CHL1: variants seen among roughly 807,000 people sequenced by gnomAD.
CHL1 encodes the protein cell adhesion molecule L1 like.
A neutral mutation model predicts 141.9 loss-of-function variants in CHL1; 96 were observed. The ratio of observed to expected loss-of-function variants is 0.68; its 90% confidence interval spans 0.57 to 0.80. The LOEUF (loss-of-function observed/expected upper bound fraction) is 0.80, where lower values mean the gene tolerates loss of function less well. Among genes scored for constraint, CHL1 ranks in the 30% least tolerant of loss-of-function variants. CHL1 has a pLI of 0.00. For synonymous variants in CHL1, 613 were observed against 502.2 expected, an observed-to-expected ratio of 1.22 and a Z score of -2.95; for missense variants, 1,820 against 1,457.2, an observed-to-expected ratio of 1.25 and a Z score of -4.05.
At chr3:353,440 G>C (rs1186064389) in intron 10 of CHL1, among the ~76,000 whole-genome samples, 1 of 151,972 alleles carries the variant, frequency 6.6e-6, no homozygotes, top group Non-Finnish European at 1.5e-5. Flanking sequence ...TTATAATTTG[G>C]ACTAGTGTAT....
At chr3:299,050 T>C (rs1470189614) in intron 2 of CHL1, among the ~76,000 whole-genome samples, 3 of 152,222 alleles carry the variant, frequency 2.0e-5, no homozygotes, top group Non-Finnish European at 4.4e-5. Context: ...GTTTTGAGTA[T>C]ACTTATTCTG....
chr3:390,623 T>C (rs1280206299), intron 20 of CHL1, 78 bp from the exon 21 acceptor site: 1 of 816,998 alleles, frequency 1.2e-6, no homozygotes, highest in African/African-American at 1.7e-5. Flanking sequence ...GAAGAAACAT[T>C]ATGAAAATTT....
intron 10 of CHL1, among the ~76,000 whole-genome samples, chr3:353,551 C>T (rs1317897318): frequency 2.0e-5 from 3 of 152,172 alleles, no homozygotes; most frequent in African/African-American, 2.4e-5. Flanking sequence ...GGAGTAATTA[C>T]AAAGGCACTT....
chr3:294,400 G>T (rs1314388494), intron 2 of CHL1, among the ~76,000 whole-genome samples: 1 of 152,166 alleles, frequency 6.6e-6, no homozygotes, highest in Non-Finnish European at 1.5e-5. Context: ...TAACGAGGAA[G>T]GTAAATTAAT....
intron 5 of CHL1, among the ~76,000 whole-genome samples, chr3:332,793 C>T (rs1416307158): frequency 6.6e-6 from 1 of 152,080 alleles, no homozygotes; most frequent in African/African-American, 2.4e-5. Flanking sequence ...TTATATACTT[C>T]ACTGAAATAA....
chr3:321,327 C>G (rs943968025), intron 3 of CHL1, among the ~76,000 whole-genome samples: 10 of 151,992 alleles, frequency 6.6e-5, no homozygotes, highest in African/African-American at 2.4e-4. Flanking sequence ...TTAAAGTCTG[C>G]TTTACATTTG....
At chr3:365,608 T>C (rs979004430) in intron 14 of CHL1, among the ~76,000 whole-genome samples, 7 of 152,340 alleles carry the variant, frequency 4.6e-5, no homozygotes, top group Admixed American at 3.3e-4. Context: ...TCCTTTACAG[T>C]GCTTTGATTA....
chr3:202,142 C>T (rs531669931), intron 1 of CHL1, among the ~76,000 whole-genome samples: 10 of 152,164 alleles, frequency 6.6e-5, no homozygotes, highest in African/African-American at 2.4e-4. Flanking sequence ...CTAGTTTCTT[C>T]TTTAGAAACG....
chr3:278,494 C>T (rs1294564206), intron 2 of CHL1, among the ~76,000 whole-genome samples: 2 of 152,126 alleles, frequency 1.3e-5, no homozygotes, highest in African/African-American at 4.8e-5. Flanking sequence ...TGCAAGCGTT[C>T]GTTAGTACCT....
intron 3 of CHL1, among the ~76,000 whole-genome samples, chr3:320,683 G>C (rs1700492310): frequency 6.6e-6 from 1 of 151,876 alleles, no homozygotes; most frequent in South Asian, 2.1e-4. Flanking sequence ...GGACAATATA[G>C]TGAGACTTTG....
In CHL1 at chr3:261,818, T is replaced by A. The variant is rs559976108; in HGVS notation, c.-95+17126T>A. Among the ~76,000 whole-genome samples, 153 of 152,258 alleles carry A rather than the reference T, an allele frequency of 1.0e-3. No individual in the cohort carries two copies. In the South Asian group the frequency reaches 0.012, roughly 12 times the overall value. ...AAGTACAATTGTTACTGATTATAAT[T>A]CAATCTTCAATGTTTTACTGGAAAG... On this transcript the variant is annotated intron_variant, in intron 2 of 27. Coordinates refer to ENST00000256509, the MANE Select transcript of CHL1 (RefSeq NM_006614.4).
chr3:267,828 C>A (rs1695287241), intron 2 of CHL1, among the ~76,000 whole-genome samples: 1 of 152,102 alleles, frequency 6.6e-6, no homozygotes, highest in Non-Finnish European at 1.5e-5. Context: ...AAAATGTGAA[C>A]TATTTCCAAA....
chr3:388,489 G>A (rs954201553), intron 19 of CHL1, among the ~76,000 whole-genome samples: 3 of 150,540 alleles, frequency 2.0e-5, no homozygotes, highest in Admixed American at 6.6e-5. Context: ...GGAGGTTGCC[G>A]TGAGCCGAGA....
At chr3:378,058 T>G in intron 16 of CHL1, 116 bp downstream of exon 16, 1 of 913,606 alleles carries the variant, frequency 1.1e-6, no homozygotes, top group Non-Finnish European at 1.5e-6. Flanking sequence ...ATTGTTAGTT[T>G]CAAATTTTTG....
chr3:383,194 T>A (rs1471319690), intron 18 of CHL1, among the ~76,000 whole-genome samples: 1 of 152,206 alleles, frequency 6.6e-6, no homozygotes, highest in Non-Finnish European at 1.5e-5. Flanking sequence ...ATTTCCTTTT[T>A]GGACTGAGAA....
At chr3:272,441 A>G (rs73815811) in intron 2 of CHL1, among the ~76,000 whole-genome samples, 2,485 of 152,296 alleles carry the variant, frequency 0.016, 59 homozygotes, top group African/African-American at 0.053. Context: ...TATTTCAGGA[A>G]GGCAAACTGC....
chr3:220,090 T>C (rs575653680), intron 1 of CHL1, among the ~76,000 whole-genome samples: 3 of 152,334 alleles, frequency 2.0e-5, no homozygotes, highest in African/African-American at 7.2e-5. Flanking sequence ...ATTTCATTTA[T>C]ACGATATTTT....
At chr3:340,572 G>T (rs564565132) in intron 5 of CHL1, among the ~76,000 whole-genome samples, 1 of 152,156 alleles carries the variant, frequency 6.6e-6, no homozygotes, top group Non-Finnish European at 1.5e-5. Flanking sequence ...AAACATTATT[G>T]TCTGGGGTTT....
At chr3:269,518 ACT>A (rs146607553) in intron 2 of CHL1, among the ~76,000 whole-genome samples, 5 of 149,780 alleles carry the variant, frequency 3.3e-5, no homozygotes, top group Non-Finnish European at 6.0e-5. Context: ...GATAAAAAAG[ACT>A]CTCTCTCTCT....
Sources: gnomAD v4.1 joint callset for allele counts (sites outside exome capture counted in the v4.1 genomes callset) on GRCh38, gnomAD v4.1.1 for gene constraint, MANE v1.5 for transcripts, NCBI Gene and HGNC (gene_info 2026-07-23, HGNC 2026-07-21) for gene names.